The following TPD52 variants were observed in gnomAD, a reference collection of about 807,000 sequenced individuals.
The protein encoded by TPD52 is tumor protein D52.
In TPD52, 17 loss-of-function variants were observed where a neutral mutation model predicts 31.3. The ratio of observed to expected loss-of-function variants is 0.54; its 90% CI spans 0.37 to 0.82. The LOEUF (loss-of-function observed/expected upper bound fraction) is 0.82. TPD52 is among the 40% of genes least tolerant of loss of function. TPD52 has a pLI of 0.00. For synonymous variants in TPD52, 83 were observed against 89.6 expected (o/e 0.93, Z 0.42); for missense variants, 212 against 240.1 (o/e 0.88, Z 0.77).
At position 80,111,418 on chromosome 8, in the gene TPD52, G is replaced by C. The variant is rs529807299; in HGVS notation, c.20-46825C>G. On this transcript the variant is annotated intron_variant, in intron 1 of 7. Transcript: ENST00000518937. ...GTCAAAATTAAATTGAATTAGAGGA[G>C]ACACCAGAGCTGATGTCTGCTGCAG... Among the ~76,000 whole-genome samples, 12 of 152,270 alleles carry C rather than the reference G, an allele frequency of 7.9e-5. No homozygotes were observed. The South Asian group carries it at 2.5e-3, about 32-fold the overall frequency.
chr8:80,119,538 A>G (rs902018628), intron 1 of TPD52, among the ~76,000 whole-genome samples: 1 of 152,184 alleles, frequency 6.6e-6, no homozygotes, highest in Non-Finnish European at 1.5e-5. Context: ...TTCTGGGGGA[A>G]AAAAAGTCAA....
intron 2 of TPD52, among the ~76,000 whole-genome samples, chr8:80,060,774 GA>G (rs112106552): frequency 3.9e-4 from 56 of 142,550 alleles, no homozygotes; most frequent in South Asian, 1.5e-3. Flanking sequence ...ACTCTTTCAT[GA>G]AAAAAAAAAC....
intron 1 of TPD52, among the ~76,000 whole-genome samples, chr8:80,101,854 A>C (rs2130932909): frequency 6.6e-6 from 1 of 152,314 alleles, no homozygotes; most frequent in Non-Finnish European, 1.5e-5. Context: ...GGGGAGTATC[A>C]CATTCCAACA....
At chr8:80,136,523 CAAAAAAAAA>C (rs56656428) in intron 1 of TPD52, among the ~76,000 whole-genome samples, 134 of 67,086 alleles carry the variant, frequency 2.0e-3, no homozygotes, top group Middle Eastern at 0.013. Flanking sequence ...GACTCTGTCT[CAAAAAAAAA>C]AAAAAAAAAA....
intron 1 of TPD52, among the ~76,000 whole-genome samples, chr8:80,091,735 T>C (rs1816291265): frequency 6.6e-6 from 1 of 152,192 alleles, no homozygotes; most frequent in Non-Finnish European, 1.5e-5. Context: ...AGCCAGTGCT[T>C]CTCAAATAAC....
chr8:80,156,261 A>C (rs1810967312), intron 1 of TPD52, among the ~76,000 whole-genome samples: 1 of 152,104 alleles, frequency 6.6e-6, no homozygotes, highest in Non-Finnish European at 1.5e-5. Context: ...CAGCATGCAG[A>C]CTCAGGGTGT....
chr8:80,100,721 T>A (rs1818644021), intron 1 of TPD52, among the ~76,000 whole-genome samples: 1 of 152,196 alleles, frequency 6.6e-6, no homozygotes, highest in Non-Finnish European at 1.5e-5. Context: ...TGGCATTAGA[T>A]TCTAGTTCAA....
At chr8:80,168,396 C>G (rs1475349039) in intron 1 of TPD52, among the ~76,000 whole-genome samples, 1 of 152,132 alleles carries the variant, frequency 6.6e-6, no homozygotes, top group Non-Finnish European at 1.5e-5. Flanking sequence ...AATTTTACAA[C>G]TAGAGTTTCA....
chr8:80,071,421 G>A (rs1337819735), intron 1 of TPD52, among the ~76,000 whole-genome samples: 3 of 151,770 alleles, frequency 2.0e-5, no homozygotes, highest in East Asian at 1.9e-4. Context: ...CTCTCCTTTC[G>A]TCCTCCCTGA....
intron 1 of TPD52, among the ~76,000 whole-genome samples, chr8:80,093,125 G>A (rs547918894): frequency 6.6e-6 from 1 of 152,214 alleles, no homozygotes; most frequent in African/African-American, 2.4e-5. Context: ...TGTCACAACA[G>A]GGTGTGCACA....
At chr8:80,072,798 C>CATATATATATATAT (rs779389191) in intron 1 of TPD52, among the ~76,000 whole-genome samples, 17 of 141,078 alleles carry the variant, frequency 1.2e-4, no homozygotes, top group African/African-American at 5.1e-4. Context: ...CACACACACA[C>CATATATATATATAT]ATATATATAT....
At chr8:80,032,506 C>T (rs150745195), downstream of TPD52, among the ~76,000 whole-genome samples, 314 of 152,240 alleles carry the variant, frequency 2.1e-3, 1 homozygote, top group African/African-American at 7.1e-3. Context: ...AAGTTTAGGG[C>T]CAGCCTGGGC....
chr8:80,124,124 C>G (rs1159538857), intron 1 of TPD52, among the ~76,000 whole-genome samples: 2 of 151,330 alleles, frequency 1.3e-5, no homozygotes, highest in African/African-American at 2.4e-5. Context: ...AGAGAGGGAC[C>G]TGTAGCCAAA....
intron 1 of TPD52, among the ~76,000 whole-genome samples, chr8:80,095,902 C>A (rs1306150969): frequency 6.6e-6 from 1 of 152,030 alleles, no homozygotes; most frequent in African/African-American, 2.4e-5. Context: ...GAGCTGAGAT[C>A]GCGACACTGC....
chr8:80,108,709 C>T (rs540754169), intron 1 of TPD52, among the ~76,000 whole-genome samples: 49 of 144,628 alleles, frequency 3.4e-4, no homozygotes, highest in African/African-American at 1.0e-3. Context: ...ACTGCTATCC[C>T]GAGATCATGC....
chr8:80,054,458 AAG>A (rs1811667495), intron 2 of TPD52, among the ~76,000 whole-genome samples: 1 of 149,790 alleles, frequency 6.7e-6, no homozygotes, highest in Non-Finnish European at 1.5e-5. Flanking sequence ...CACCATGTGG[AAG>A]AGACTTTAGG....
chr8:80,050,308 A>G (rs1811233340), intron 5 of TPD52, 137 bp downstream of exon 5: 2 of 702,860 alleles, frequency 2.8e-6, no homozygotes, highest in Non-Finnish European at 4.4e-6. Context: ...GGAATGCACT[A>G]GAGAAAAAGA....
intron 1 of TPD52, among the ~76,000 whole-genome samples, chr8:80,163,411 G>A (rs1402440469): frequency 6.6e-6 from 1 of 152,146 alleles, no homozygotes; most frequent in African/African-American, 2.4e-5. Context: ...TATCTAAAGT[G>A]GTCAAACTCA....
At chr8:80,155,611 C>T (rs550042446) in intron 1 of TPD52, among the ~76,000 whole-genome samples, 1 of 152,192 alleles carries the variant, frequency 6.6e-6, no homozygotes, top group East Asian at 1.9e-4. Flanking sequence ...GGGCCAGGCG[C>T]GGTGGCTCAC....
Sources: gnomAD v4.1 joint callset for allele counts (sites outside exome capture counted in the v4.1 genomes callset) on GRCh38, gnomAD v4.1.1 for gene constraint, MANE v1.5 for transcripts, NCBI Gene and HGNC (gene_info 2026-07-23, HGNC 2026-07-21) for gene names.